The following VPS13A variants were observed in gnomAD, a reference collection of about 807,000 sequenced individuals.
VPS13A encodes intermembrane lipid transfer protein VPS13A.
Under a neutral mutation model 390.9 loss-of-function variants are expected in VPS13A, and 264 were observed. The observed-to-expected ratio is 0.68, with a 90% CI of 0.61 to 0.75. VPS13A has a LOEUF of 0.75. VPS13A is among the 30% of genes least tolerant of loss of function. VPS13A has a pLI of 0.00. For synonymous variants in VPS13A, 1,231 were observed against 1,227.1 expected (o/e 1.00, Z -0.07); for missense variants, 3,409 against 3,733.9 (o/e 0.91, Z 2.27).
intron 27 of VPS13A, among the ~76,000 whole-genome samples, chr9:77,280,821 T>TGAC (rs1227817620): frequency 1.3e-5 from 2 of 152,216 alleles, no homozygotes; most frequent in African/African-American, 4.8e-5. Context: ...TATCCATTAT[T>TGAC]GACTAGATGT....
At chr9:77,191,474 T>C (rs1824684001) in intron 1 of VPS13A, among the ~76,000 whole-genome samples, 1 of 151,920 alleles carries the variant, frequency 6.6e-6, no homozygotes, top group South Asian at 2.1e-4. Context: ...TTTTTTTGTA[T>C]TTTTTGTAAA....
intron 31 of VPS13A, among the ~76,000 whole-genome samples, chr9:77,291,327 G>A (rs980629922): frequency 2.0e-5 from 3 of 152,124 alleles, no homozygotes; most frequent in African/African-American, 7.2e-5. Flanking sequence ...CACTTTTGTG[G>A]AAAAATTGTC....
intron 3 of VPS13A, among the ~76,000 whole-genome samples, chr9:77,204,726 A>G (rs562690940): frequency 6.6e-6 from 1 of 152,056 alleles, no homozygotes; most frequent in Non-Finnish European, 1.5e-5. Context: ...TCCTGGGCTC[A>G]AGATCCTCCC....
At chr9:77,181,846 T>C (rs2131045102) in intron 1 of VPS13A, among the ~76,000 whole-genome samples, 1 of 152,302 alleles carries the variant, frequency 6.6e-6, no homozygotes, top group South Asian at 2.1e-4. Context: ...AGAAGAGTGC[T>C]ACTGTACTGG....
rs776724808 is a variant in VPS13A, at chr9:77,206,329, T to TATATA, written c.385+250_385+251insATATA. The stretch of plus-strand genomic sequence containing the variant: ...TATTATTATTAGGTTTACATATTTT[T>TATATA]TATATATATATATATACACACACAC... On this transcript the variant is annotated intron_variant, in intron 5 of 71. Coordinates refer to ENST00000360280, the MANE Select transcript of VPS13A (RefSeq NM_033305.3). Among the ~76,000 whole-genome samples the TATATA allele has an allele frequency of 0.13, 18,990 of 146,276 alleles. 1,488 individuals carry two copies. The highest frequency in any genetic ancestry group is 0.28 in the East Asian group (1,406 of 4,948).
chr9:77,185,068 T>C (rs2131055747), intron 1 of VPS13A, among the ~76,000 whole-genome samples: 1 of 152,198 alleles, frequency 6.6e-6, no homozygotes, highest in South Asian at 2.1e-4. Context: ...GATCACAGCC[T>C]GCGACTTGTG....
At chr9:77,329,728 TAAA>T (rs1227584836) in intron 45 of VPS13A, among the ~76,000 whole-genome samples, 1 of 152,160 alleles carries the variant, frequency 6.6e-6, no homozygotes, top group African/African-American at 2.4e-5. Context: ...CTTTAATTTG[TAAA>T]AAATGAAATA....
At chr9:77,275,975 G>A in intron 25 of VPS13A, 90 bp from the exon 26 acceptor site, 1 of 1,315,376 alleles carries the variant, frequency 7.6e-7, no homozygotes, top group Non-Finnish European at 1.1e-6. Context: ...TCAATTGTAT[G>A]TATACCTCAT....
chr9:77,353,391 T>TTTTG lies in VPS13A; in HGVS notation c.7420-17_7420-16insTTGT. 1.3e-6 allele frequency: 2 copies of TTTTG among 1,560,798 alleles called. No individual in the cohort carries two copies. The highest frequency in any genetic ancestry group is 1.2e-5 in the South Asian group (1 of 83,162). On this transcript the variant is annotated splice_polypyrimidine_tract_variant and intron_variant, in intron 53 of 71. Transcript: ENST00000360280. ...CTAATTTTTTGGTTTTTTTTTTTTT[T>TTTTG]TGGTGGTTTTATTCTAGGATATGAT...
rs761096914 is a variant in VPS13A at position 77,371,011 on chromosome 9, C to CT, written c.8954-9dup. ...TTCTTGGATGCAATTGTCAAAAACTCTTTTTTCTTTCCAGGAGCTCAAAAA... is the reference window on the plus strand; with the variant it reads ...TTCTTGGATGCAATTGTCAAAAACTCTTTTTTTCTTTCCAGGAGCTCAAAAA... On this transcript the variant is annotated splice_polypyrimidine_tract_variant and intron_variant, in intron 66 of 71. Transcript: ENST00000360280. 138 of 1,613,926 alleles carry CT rather than the reference C, an allele frequency of 8.6e-5. No individual in the cohort carries two copies. Among genetic ancestry groups the CT allele is most frequent in the Non-Finnish European group, 1.1e-4 (128 of 1,179,978 alleles).
intron 52 of VPS13A, among the ~76,000 whole-genome samples, chr9:77,349,222 T>A (rs1044736055): frequency 6.6e-6 from 1 of 152,152 alleles, no homozygotes; most frequent in Non-Finnish European, 1.5e-5. Flanking sequence ...CCTCCCTCCC[T>A]TTCTTCCTTC....
At chr9:77,238,703 A>C (rs1043636597) in intron 19 of VPS13A, among the ~76,000 whole-genome samples, 3 of 152,196 alleles carry the variant, frequency 2.0e-5, no homozygotes, top group Non-Finnish European at 2.9e-5. Flanking sequence ...AGATTTTGAT[A>C]TATCAGCCTC....
At chr9:77,246,857 A>G (rs923250986) in intron 19 of VPS13A, among the ~76,000 whole-genome samples, 1 of 152,208 alleles carries the variant, frequency 6.6e-6, no homozygotes, top group Non-Finnish European at 1.5e-5. Context: ...TCAGAATAAT[A>G]TTAAGATCAA....
chr9:77,252,428 A>C (rs1825196289), intron 22 of VPS13A, 76 bp downstream of exon 22: 1 of 1,167,054 alleles, frequency 8.6e-7, no homozygotes, highest in Non-Finnish European at 1.3e-6. Flanking sequence ...TACTTAACTG[A>C]CTCTTCCTTG....
chr9:77,354,405 T>C (rs970279793), intron 54 of VPS13A, among the ~76,000 whole-genome samples: 1 of 152,116 alleles, frequency 6.6e-6, no homozygotes, highest in Admixed American at 6.6e-5. Flanking sequence ...AAAATGTTTT[T>C]ACTATTTAAA....
intron 50 of VPS13A, among the ~76,000 whole-genome samples, chr9:77,343,143 C>G (rs1024805144): frequency 1.3e-5 from 2 of 152,050 alleles, no homozygotes; most frequent in South Asian, 2.1e-4. Context: ...AGGCCTCTGC[C>G]AAAAAGCTCT....
intron 40 of VPS13A, 40 bp from the exon 41 acceptor site, chr9:77,318,194 GA>G: frequency 8.4e-7 from 1 of 1,186,198 alleles, no homozygotes; most frequent in Non-Finnish European, 1.2e-6. Flanking sequence ...TAGTATGTTT[GA>G]AAGTGTTTTG....
Position 77,317,696 on chromosome 9 carries a change from A to G in VPS13A, c.4954A>G (p.Lys1652Glu). ...TATGTCAGTAAAATCCCTGACACTA[A>G]AGGTAAATTAAAATATAATCATTTG... ...IDMSVKSLTL[K>E]VSPVIINTMI... The change falls in exon 40 of 72, where the codon AAG becomes GAG. Residue 1652 changes from lysine to glutamate, a missense_variant and splice_region_variant. Physicochemically the swap from Lys to Glu is moderately conservative, Grantham distance 56. Around this residue, in one of 5 missense-constraint regions of VPS13A, gnomAD observed 2,717 missense variants for 2,917.4 expected, o/e 0.93. Coordinates refer to ENST00000360280, the MANE Select transcript of VPS13A (RefSeq NM_033305.3). 6.3e-7 allele frequency: 1 copy of G among 1,582,630 alleles called. No homozygotes were observed. Among genetic ancestry groups the G allele is most frequent in the Non-Finnish European group, 8.6e-7 (1 of 1,160,998 alleles).
rs762143526 is a variant in VPS13A, at chr9:77,363,390, AT to A, written c.8212-2057del. On this transcript the variant is annotated intron_variant, in intron 59 of 71. Transcript: ENST00000360280. Reference sequence around the variant, plus strand: ...TCTACTGATATGTTTTATTACATTAATTTTTTTTTTTTTATTTTTTTTTTTT... The same window carrying A: ...TCTACTGATATGTTTTATTACATTAATTTTTTTTTTTTATTTTTTTTTTTT... 2.2e-3 allele frequency among the ~76,000 whole-genome samples: 255 copies of A among 115,840 alleles called. 2 individuals are homozygous for A. Among genetic ancestry groups the A allele is most frequent in the African/African-American group, 3.9e-3 (121 of 30,736 alleles). 76.0% of individuals were successfully genotyped at this position (115,840 alleles called of 152,430 possible). A position where few individuals can be genotyped will look rare whatever the true frequency, so the allele number is the denominator to read the frequency against.
Sources: allele counts gnomAD v4.1 joint callset (sites outside exome capture counted in the v4.1 genomes callset), GRCh38; gene constraint gnomAD v4.1.1; regional missense constraint gnomAD v4.1.1; transcripts MANE v1.5; gene names NCBI Gene and HGNC (gene_info 2026-07-23, HGNC 2026-07-21).